ZBTB10: variants seen among roughly 807,000 people sequenced by gnomAD.
ZBTB10 encodes zinc finger and BTB domain containing 10, also known as zinc finger and BTB domain-containing protein 10.
A neutral mutation model predicts 76.4 loss-of-function variants in ZBTB10; 32 were observed. The observed-to-expected ratio is 0.42, with a 90% CI of 0.32 to 0.56. The LOEUF is 0.56. ZBTB10 is among the 20% of genes least tolerant of loss of function. ZBTB10 has a pLI of 0.14. For missense variants in ZBTB10, 1,057 were observed against 1,098.5 expected (o/e 0.96, Z 0.53); for synonymous variants, 523 against 432.9 (o/e 1.21, Z -2.58).
Position 80,500,398 on chromosome 8 carries a change from A to G in ZBTB10, c.1861+16A>G, listed in dbSNP as rs775938023. 22 of 1,510,034 alleles carry G rather than the reference A, an allele frequency of 1.5e-5. No individual in the cohort carries two copies. The highest frequency in any genetic ancestry group is 1.3e-5 in the Non-Finnish European group (15 of 1,132,098). The allele number at this position is 1,510,034 out of a possible 1,614,324, so 93.5% of individuals were successfully genotyped here. ...GAAGAACCAGGTAAATATTATCTAT[A>G]CAAGGATACTTCCTTGTTCATCCTA... is the stretch of plus-strand genomic sequence containing the variant. On this transcript the variant is annotated intron_variant, in intron 2 of 5. Transcript: ENST00000455036.
chr8:80,486,514 G>A lies in ZBTB10; in HGVS notation c.-297G>A, dbSNP rs1815457549. On this transcript the variant is annotated 5_prime_UTR_variant, in exon 1 of 6. Transcript: ENST00000455036. Reference sequence around the variant, plus strand: ...CTGCAGGCTCGCTCCTCACCTCTCCGCCGCCCGCCCCCTTCTCCGCGCGGG... The same window carrying A: ...CTGCAGGCTCGCTCCTCACCTCTCCACCGCCCGCCCCCTTCTCCGCGCGGG... 1.9e-5 allele frequency: 19 copies of A among 985,340 alleles called. No individual in the cohort carries two copies. The highest frequency in any genetic ancestry group is 2.3e-5 in the Non-Finnish European group (19 of 830,144). The allele number at this position is 985,340 out of a possible 1,614,324, so 61.0% of individuals were successfully genotyped here.
At chr8:80,518,716 A>T (rs1816390034) in intron 4 of ZBTB10, 66 bp from the exon 5 acceptor site, 2 of 1,506,396 alleles carry the variant, frequency 1.3e-6, no homozygotes, top group African/African-American at 2.8e-5. Context: ...TAGAGATAAG[A>T]AGTTTTGATA....
chr8:80,497,558 G>A (rs576526527), intron 1 of ZBTB10, among the ~76,000 whole-genome samples: 11 of 151,940 alleles, frequency 7.2e-5, no homozygotes, highest in African/African-American at 1.4e-4. Context: ...CCAAGGATCA[G>A]TCAAAAATGA....
rs868452080 is a variant in ZBTB10, at chr8:80,487,670, T to C, written c.860T>C (p.Leu287Pro). ...KTPADGGSVD[L>P]PPVGHDELSR... ...CCTGCAGATGGGGGAAGCGTGGACCTTCCCCCAGTGGGGCATGATGAGCTT... is the reference window on the plus strand; with the variant it reads ...CCTGCAGATGGGGGAAGCGTGGACCCTCCCCCAGTGGGGCATGATGAGCTT... Residue 287 changes from leucine to proline, a missense_variant, in exon 1 of 6, where the codon CTT becomes CCT. By Grantham distance (98) the Leu-to-Pro change is moderately conservative. Coordinates refer to ENST00000455036, the MANE Select transcript of ZBTB10 (RefSeq NM_001105539.3). 14 of 1,613,818 alleles carry C rather than the reference T, an allele frequency of 8.7e-6. No homozygotes were observed. The highest frequency in any genetic ancestry group is 1.3e-5 in the African/African-American group (1 of 74,930).
At chr8:80,497,575 T>G (rs1815817655) in intron 1 of ZBTB10, among the ~76,000 whole-genome samples, 1 of 152,038 alleles carries the variant, frequency 6.6e-6, no homozygotes, top group Non-Finnish European at 1.5e-5. Flanking sequence ...ATGAGGAAAT[T>G]TCTCTACTTT....
chr8:80,511,515 G>T (rs1585857969), intron 2 of ZBTB10, among the ~76,000 whole-genome samples: 1 of 152,182 alleles, frequency 6.6e-6, no homozygotes, highest in Admixed American at 6.5e-5. Context: ...GTTGAGACAG[G>T]GTCTCACTCT....
intron 1 of ZBTB10, among the ~76,000 whole-genome samples, chr8:80,499,205 T>C (rs1815861018): frequency 6.6e-6 from 1 of 152,200 alleles, no homozygotes; most frequent in South Asian, 2.1e-4. Context: ...TAATTTTAAT[T>C]TTAAGAAATT....
chr8:80,513,959 T>A lies in ZBTB10; in HGVS notation c.1911T>A (p.Asn637Lys). The change falls in exon 3 of 6, where the codon AAT (asparagine) becomes AAA (lysine). Residue 637 changes from asparagine to lysine, a missense_variant. Coordinates refer to ENST00000455036, the MANE Select transcript of ZBTB10 (RefSeq NM_001105539.3). ...LSGPDGDRNV[N>K]ANLLAEAGTS... ...GGCCAGATGGTGATAGGAATGTGAATGCAAATTTATTGGCTGAAGCTGGCA... is the reference window on the plus strand; with the variant it reads ...GGCCAGATGGTGATAGGAATGTGAAAGCAAATTTATTGGCTGAAGCTGGCA... 1 of 1,613,692 alleles carries A rather than the reference T, an allele frequency of 6.2e-7. No homozygotes were observed. Among genetic ancestry groups the A allele is most frequent in the Non-Finnish European group, 8.5e-7 (1 of 1,179,710 alleles).
chr8:80,497,099 A>G (rs114595256), intron 1 of ZBTB10, among the ~76,000 whole-genome samples: 4 of 152,322 alleles, frequency 2.6e-5, no homozygotes, highest in African/African-American at 9.6e-5. Flanking sequence ...TTTTGTGGAA[A>G]GTTACACTGT....
chr8:80,505,915 ATTTTTT>A (rs58176444), intron 2 of ZBTB10, among the ~76,000 whole-genome samples: 13 of 131,960 alleles, frequency 9.9e-5, no homozygotes, highest in East Asian at 2.2e-4. Flanking sequence ...TGCCTGGCTA[ATTTTTT>A]TTTTTTTTTT....
At position 80,486,445 on chromosome 8, in the gene ZBTB10, G is replaced by A. The variant is rs1265426002; in HGVS notation, c.-366G>A. 5 of 984,932 alleles carry A rather than the reference G, an allele frequency of 5.1e-6. No individual in the cohort carries two copies. Among genetic ancestry groups the A allele is most frequent in the African/African-American group, 1.8e-5 (1 of 57,108 alleles). 61.0% of individuals were successfully genotyped at this position (984,932 alleles called of 1,614,324 possible). A position where few individuals can be genotyped will look rare whatever the true frequency, so the allele number is the denominator to read the frequency against. On this transcript the variant is annotated 5_prime_UTR_variant, in exon 1 of 6. Coordinates refer to ENST00000455036, the MANE Select transcript of ZBTB10 (RefSeq NM_001105539.3). ...GCGGCTTTAAAGAGGGGGCAGCGGAGGGTCTCCCCGCACTCCGCTGCTCAA... is the reference window on the plus strand; with the variant it reads ...GCGGCTTTAAAGAGGGGGCAGCGGAAGGTCTCCCCGCACTCCGCTGCTCAA...
rs564874201 is a variant in ZBTB10 at position 80,501,530 on chromosome 8, G to T, written c.1861+1148G>T. ...TGTTCAGTGTCTGATTTATACGATG[G>T]TGGTCATCTGAGGATGGAGTATTTT... is the stretch of plus-strand genomic sequence containing the variant. On this transcript the variant is annotated intron_variant, in intron 2 of 5. Coordinates refer to ENST00000455036, the MANE Select transcript of ZBTB10 (RefSeq NM_001105539.3). Among the ~76,000 whole-genome samples, 3 of 152,280 alleles carry T rather than the reference G, an allele frequency of 2.0e-5. No homozygotes were observed. The South Asian group carries it at 6.2e-4, about 32-fold the overall frequency.
In ZBTB10 at chr8:80,514,135, T is replaced by C; in HGVS notation, c.1960+127T>C. 3 of 764,224 alleles carry C rather than the reference T, an allele frequency of 3.9e-6. No homozygotes were observed. In the South Asian group the frequency reaches 5.5e-5, roughly 14 times the overall value. The allele number at this position is 764,224 out of a possible 1,614,324, so 47.3% of individuals were successfully genotyped here. On this transcript the variant is annotated intron_variant, in intron 3 of 5. Coordinates refer to ENST00000455036, the MANE Select transcript of ZBTB10 (RefSeq NM_001105539.3). ...GTATATAACTACTTTCAATCTATGG[T>C]AGCTATGTTTATGATGACTGGAAAA...
At chr8:80,490,443 C>T (rs1326232473) in intron 1 of ZBTB10, among the ~76,000 whole-genome samples, 3 of 152,088 alleles carry the variant, frequency 2.0e-5, no homozygotes, top group African/African-American at 7.2e-5. Flanking sequence ...CGCTATGTTG[C>T]CCAGGCTGGT....
chr8:80,519,019 G>C, intron 5 of ZBTB10, 65 bp downstream of exon 5: 1 of 1,483,776 alleles, frequency 6.7e-7, no homozygotes, highest in Non-Finnish European at 9.0e-7. Flanking sequence ...AAGTTTAAAG[G>C]GATTTAAACA....
At chr8:80,485,846 G>C, upstream of ZBTB10, 1 of 1,535,836 alleles carries the variant, frequency 6.5e-7, no homozygotes, top group Non-Finnish European at 8.7e-7. Context: ...GTGAACTCGT[G>C]GCGAGAGAAG....
chr8:80,508,616 A>G (rs1386398303), intron 2 of ZBTB10, among the ~76,000 whole-genome samples: 1 of 152,118 alleles, frequency 6.6e-6, no homozygotes, highest in Non-Finnish European at 1.5e-5. Context: ...TGCCCAGAGG[A>G]GTTGGGAAAG....
At chr8:80,500,468 T>C in intron 2 of ZBTB10, 86 bp downstream of exon 2, 1 of 1,295,388 alleles carries the variant, frequency 7.7e-7, no homozygotes, top group Non-Finnish European at 1.0e-6. Flanking sequence ...AATTGAATTA[T>C]TTTAGTTATA....
chr8:80,512,049 T>C (rs1816208030), intron 2 of ZBTB10, among the ~76,000 whole-genome samples: 1 of 152,194 alleles, frequency 6.6e-6, no homozygotes, highest in Non-Finnish European at 1.5e-5. Context: ...AGGAGTTCTG[T>C]ATCTATTTAC....
Sources: allele counts gnomAD v4.1 joint callset (sites outside exome capture counted in the v4.1 genomes callset), GRCh38; gene constraint gnomAD v4.1.1; transcripts MANE v1.5; gene names NCBI Gene and HGNC (gene_info 2026-07-23, HGNC 2026-07-21).